Variants in CAPN13 observed in about 807,000 individuals in gnomAD.
The protein encoded by CAPN13 is calpain 13.
Under a neutral mutation model 98.4 loss-of-function variants are expected in CAPN13, and 90 were observed. That is an observed-to-expected ratio of 0.92 (90% CI 0.77 to 1.09). CAPN13 has a LOEUF of 1.09. Among genes scored for constraint, CAPN13 ranks in the 50% least tolerant of loss-of-function variants. The probability of loss-of-function intolerance (pLI) is 0.00; values close to 1 mark genes in which losing one functional copy is unlikely to be tolerated. For synonymous variants in CAPN13, 330 were observed against 305.5 expected (o/e 1.08, Z -0.84); for missense variants, 887 against 841.3 (o/e 1.05, Z -0.67).
intron 4 of CAPN13, among the ~76,000 whole-genome samples, chr2:30,770,952 A>G (rs12613578): frequency 0.093 from 14,100 of 152,162 alleles, 1,377 homozygotes; most frequent in East Asian, 0.44. Context: ...CAGGAGGCAC[A>G]CTGTGGGCAA....
chr2:30,745,825 C>G (rs1671880127), intron 11 of CAPN13, 91 bp from the exon 12 acceptor site: 6 of 1,013,396 alleles, frequency 5.9e-6, no homozygotes, highest in Non-Finnish European at 7.3e-6. Context: ...TTGGTTTCAT[C>G]CCTGCATTCC....
chr2:30,758,570 C>A (rs906305350), intron 7 of CAPN13, among the ~76,000 whole-genome samples: 17 of 152,152 alleles, frequency 1.1e-4, no homozygotes, highest in African/African-American at 4.1e-4. Context: ...CCAGTGGGAG[C>A]TATGGTGCAG....
At chr2:30,773,060 G>A (rs1486234423) in intron 4 of CAPN13, among the ~76,000 whole-genome samples, 2 of 152,132 alleles carry the variant, frequency 1.3e-5, no homozygotes, top group African/African-American at 4.8e-5. Context: ...TCCTGACCTC[G>A]TGATCTACCC....
chr2:30,745,468 C>T (rs150139940), intron 12 of CAPN13, among the ~76,000 whole-genome samples: 162 of 152,290 alleles, frequency 1.1e-3, no homozygotes, highest in African/African-American at 3.6e-3. Flanking sequence ...TCAGAGGCCA[C>T]GGGCCTGAGG....
At chr2:30,747,265 G>A (rs1671960011) in intron 11 of CAPN13, among the ~76,000 whole-genome samples, 1 of 151,580 alleles carries the variant, frequency 6.6e-6, no homozygotes, top group African/African-American at 2.4e-5. Flanking sequence ...CCTATTTTAT[G>A]GGTGTAGAAA....
At chr2:30,727,235 A>C (rs1347032875) in intron 22 of CAPN13, among the ~76,000 whole-genome samples, 2 of 152,170 alleles carry the variant, frequency 1.3e-5, no homozygotes, top group African/African-American at 2.4e-5. Context: ...AAACAGAATA[A>C]ATAGTTTGAC....
chr2:30,765,601 G>T (rs573326272), intron 5 of CAPN13, among the ~76,000 whole-genome samples: 1 of 152,326 alleles, frequency 6.6e-6, no homozygotes, highest in African/African-American at 2.4e-5. Context: ...TCTGGAAGCT[G>T]CAGGGTGGAC....
At position 30,759,052 on chromosome 2, in the gene CAPN13, TTCCC is replaced by T. The variant is rs1328282361; in HGVS notation, c.775-919_775-916del. ...CTTCCCTCCCTCCCTCCTTCCTTCCTTCCCTCCCTCCCTCCCTCCTCCCTCCCTT... is the reference window on the plus strand; with the variant it reads ...CTTCCCTCCCTCCCTCCTTCCTTCCTTCCCTCCCTCCCTCCTCCCTCCCTT... On this transcript the variant is annotated intron_variant, in intron 7 of 22. Transcript: ENST00000295055. Among the ~76,000 whole-genome samples, 9 of 15,652 alleles carry T rather than the reference TTCCC, an allele frequency of 5.8e-4. No homozygotes were observed. The East Asian group carries it at 7.0e-3, about 12-fold the overall frequency. The allele number at this position is 15,652 out of a possible 152,430, so 10.3% of individuals were successfully genotyped here. A position where few individuals can be genotyped will look rare whatever the true frequency, so the allele number is the denominator to read the frequency against.
At chr2:30,760,237 C>A (rs569519425) in intron 7 of CAPN13, among the ~76,000 whole-genome samples, 1 of 152,330 alleles carries the variant, frequency 6.6e-6, no homozygotes, top group Admixed American at 6.5e-5. Context: ...CAGGTACCCG[C>A]CTAATGCCCG....
chr2:30,753,385 GAC>G (rs1672278705), intron 9 of CAPN13, among the ~76,000 whole-genome samples, 187 bp from the exon 10 acceptor site: 4 of 152,176 alleles, frequency 2.6e-5, no homozygotes, highest in Admixed American at 2.6e-4. Context: ...GCAAGGCAAG[GAC>G]ACAGTCAAGT....
chr2:30,776,307 C>T (rs1225735233), intron 3 of CAPN13, among the ~76,000 whole-genome samples: 2 of 152,156 alleles, frequency 1.3e-5, no homozygotes, highest in Non-Finnish European at 2.9e-5. Flanking sequence ...TCTGGGCTCA[C>T]TGCAACCTCC....
At chr2:30,770,797 T>A (rs1362228399) in intron 4 of CAPN13, among the ~76,000 whole-genome samples, 1 of 152,134 alleles carries the variant, frequency 6.6e-6, no homozygotes, top group Non-Finnish European at 1.5e-5. Context: ...GTGCACAAAA[T>A]GGCAATAGGG....
chr2:30,799,405 T>G (rs1675053816), intron 1 of CAPN13, among the ~76,000 whole-genome samples: 1 of 152,108 alleles, frequency 6.6e-6, no homozygotes, highest in Non-Finnish European at 1.5e-5. Flanking sequence ...TCTCAGTAAG[T>G]CTCCATGCAT....
rs1483504073 is a variant in CAPN13, at chr2:30,787,215, A to G, written c.111T>C (p.Asp37=). 4 of 1,609,226 alleles carry G rather than the reference A, an allele frequency of 2.5e-6. No individual in the cohort carries two copies. In the South Asian group the frequency reaches 4.5e-5, roughly 18 times the overall value. ...HCLSMGRTFK[D]ETFPAADSSI... ...AAGAATCTGCTGCAGGGAATGTCTC[A>G]TCCTTAAACGTCCGGCCCATGCTCA... Residue 37 remains aspartate, a synonymous_variant, in exon 2 of 23, where the codon GAT becomes GAC. Coordinates refer to ENST00000295055, the MANE Select transcript of CAPN13 (RefSeq NM_144575.3).
At chr2:30,774,460 G>A (rs1019521885) in intron 4 of CAPN13, among the ~76,000 whole-genome samples, 4 of 152,104 alleles carry the variant, frequency 2.6e-5, no homozygotes, top group Non-Finnish European at 4.4e-5. Flanking sequence ...TAAAAATACA[G>A]CACAGATTGA....
Position 30,745,703 on chromosome 2 carries a change from A to G in CAPN13, c.1248+20T>C, listed in dbSNP as rs941304670. ...CAGACAGCAGCAGAGGCGCAGGGCA[A>G]GGACGACGCTGAGCCATACCTGTGA... On this transcript the variant is annotated intron_variant, in intron 12 of 22. Coordinates refer to ENST00000295055, the MANE Select transcript of CAPN13 (RefSeq NM_144575.3). 6.3e-7 allele frequency: 1 copy of G among 1,596,620 alleles called. No homozygotes were observed. Among genetic ancestry groups the G allele is most frequent in the Admixed American group, 1.7e-5 (1 of 59,708 alleles).
At chr2:30,784,218 G>T (rs906575873) in intron 2 of CAPN13, among the ~76,000 whole-genome samples, 1 of 151,588 alleles carries the variant, frequency 6.6e-6, no homozygotes, top group Non-Finnish European at 1.5e-5. Flanking sequence ...GAGAAGAAAG[G>T]CATTTTCTAC....
chr2:30,780,993 G>A (rs1237321719), intron 2 of CAPN13, among the ~76,000 whole-genome samples: 3 of 152,236 alleles, frequency 2.0e-5, no homozygotes, highest in Non-Finnish European at 4.4e-5. Flanking sequence ...GATTCAGGCT[G>A]AACTGCCAGC....
intron 2 of CAPN13, among the ~76,000 whole-genome samples, chr2:30,780,341 A>G (rs1673922258): frequency 6.6e-6 from 1 of 152,242 alleles, no homozygotes; most frequent in Non-Finnish European, 1.5e-5. Flanking sequence ...ACACAGACAT[A>G]CCAGACTTAT....
Sources: gnomAD v4.1 joint callset for allele counts (sites outside exome capture counted in the v4.1 genomes callset) on GRCh38, gnomAD v4.1.1 for gene constraint, MANE v1.5 for transcripts, NCBI Gene and HGNC (gene_info 2026-07-23, HGNC 2026-07-21) for gene names.